SNX27: variants seen among roughly 807,000 people sequenced by gnomAD.
The protein encoded by SNX27 is sorting nexin 27, also known as sorting nexin-27.
SNX27 carries 22 observed loss-of-function variants against 71.6 expected under a neutral mutation model. The ratio of observed to expected loss-of-function variants is 0.31; its 90% CI spans 0.22 to 0.44. SNX27 has a LOEUF of 0.44. Ranked by LOEUF, SNX27 falls within the 20% of genes least tolerant of loss-of-function variation. SNX27 has a pLI of 1.00. For synonymous variants in SNX27, 269 were observed against 277.2 expected, an observed-to-expected ratio of 0.97 and a Z score of 0.29; for missense variants, 531 against 698.6, an observed-to-expected ratio of 0.76 and a Z score of 2.70.
intron 7 of SNX27, among the ~76,000 whole-genome samples, chr1:151,681,624 C>G (rs1237921810): frequency 6.6e-6 from 1 of 152,136 alleles, no homozygotes; most frequent in East Asian, 1.9e-4. Context: ...ACCTTGAGTA[C>G]CAAACATCAT....
chr1:151,624,471 G>T (rs59397509), intron 1 of SNX27, among the ~76,000 whole-genome samples: 1 of 129,790 alleles, frequency 7.7e-6, no homozygotes, highest in South Asian at 2.4e-4. Context: ...TTGCTCTGTC[G>T]CCCAGGCTGG....
intron 6 of SNX27, 57 bp from the exon 7 acceptor site, chr1:151,668,415 T>G: frequency 6.6e-7 from 1 of 1,508,502 alleles, no homozygotes; most frequent in Non-Finnish European, 9.0e-7. Context: ...TAGTTTATAC[T>G]AGGGAAGTTT....
At chr1:151,693,939 CTGGAACAGAATT>C in intron 11 of SNX27, 1 of 1,305,868 alleles carries the variant, frequency 7.7e-7, no homozygotes, top group Non-Finnish European at 9.7e-7. Context: ...TGTGCCAGTG[CTGGAACAGAATT>C]TGGAAGATTC....
At chr1:151,640,233 A>G (rs1457019050) in intron 2 of SNX27, among the ~76,000 whole-genome samples, 2 of 152,224 alleles carry the variant, frequency 1.3e-5, no homozygotes, top group Non-Finnish European at 2.9e-5. Flanking sequence ...ACTTTGAGTC[A>G]TAAGGCATGT....
chr1:151,661,178 T>C, intron 4 of SNX27: 1 of 247,234 alleles, frequency 4.0e-6, no homozygotes, highest in Non-Finnish European at 8.0e-6. Context: ...TTTTTGTACA[T>C]ATAATCAGAT....
chr1:151,683,124 C>T (rs1202923626), intron 7 of SNX27, among the ~76,000 whole-genome samples: 1 of 152,114 alleles, frequency 6.6e-6, no homozygotes, highest in Non-Finnish European at 1.5e-5. Flanking sequence ...GATCCAGTCA[C>T]CTCCCACCGG....
At chr1:151,672,730 T>C (rs12090837) in intron 7 of SNX27, among the ~76,000 whole-genome samples, 3,493 of 152,224 alleles carry the variant, frequency 0.023, 136 homozygotes, top group African/African-American at 0.078. Flanking sequence ...AGGTTGTATA[T>C]GTCTAGGAAT....
chr1:151,662,295 T>C, intron 5 of SNX27, 25 bp downstream of exon 5: 1 of 1,455,840 alleles, frequency 6.9e-7, no homozygotes, highest in Non-Finnish European at 9.6e-7. Flanking sequence ...CACGTAGACT[T>C]GACATTGGAT....
intron 1 of SNX27, among the ~76,000 whole-genome samples, chr1:151,626,656 C>T (rs1004862372): frequency 2.0e-5 from 3 of 151,740 alleles, no homozygotes; most frequent in Non-Finnish European, 2.9e-5. Flanking sequence ...GAGCCAAGAT[C>T]GTGCCACTGC....
chr1:151,674,933 A>G (rs1421017443), intron 7 of SNX27, among the ~76,000 whole-genome samples: 1 of 149,236 alleles, frequency 6.7e-6, no homozygotes, highest in East Asian at 2.0e-4. Flanking sequence ...TGATCTGCCC[A>G]CCTCGGCCTC....
chr1:151,612,645 G>A lies in SNX27; in HGVS notation c.311+133G>A, dbSNP rs1442469237. 2 of 678,448 alleles carry A rather than the reference G, an allele frequency of 2.9e-6. No individual in the cohort carries two copies. The highest frequency in any genetic ancestry group is 3.4e-5 in the East Asian group (1 of 29,126). 42.0% of individuals were successfully genotyped at this position (678,448 alleles called of 1,614,324 possible). On this transcript the variant is annotated intron_variant, in intron 1 of 11. Coordinates refer to ENST00000458013, the MANE Select transcript of SNX27 (RefSeq NM_001330723.2). The surrounding 1 kb of genome is among the most constrained non-coding windows in gnomAD (Gnocchi z 5.2). ...CGGCCTCCGGACCCCCGCCCCTCAG[G>A]CCTCCGCAGCCGGGCCCCTCCTTGT... is the stretch of plus-strand genomic sequence containing the variant.
rs45491998 is a variant in SNX27 at position 151,693,090 on chromosome 1, T to C, written c.1518+51T>C. ...TGGGACTTAGTTTGTTTTTTTGTTT[T>C]TTTTTTCAGCTAAATGCATAAATGG... is the stretch of plus-strand genomic sequence containing the variant. On this transcript the variant is annotated intron_variant, in intron 10 of 11. Coordinates refer to ENST00000458013, the MANE Select transcript of SNX27 (RefSeq NM_001330723.2). 4.4e-3 allele frequency: 7,088 copies of C among 1,594,246 alleles called. 20 individuals are homozygous for C. The highest frequency in any genetic ancestry group is 5.5e-3 in the Non-Finnish European group (6,457 of 1,172,798).
In SNX27 at chr1:151,664,338, G is replaced by A. The variant is rs115682169; in HGVS notation, c.907-1595G>A. Among the ~76,000 whole-genome samples, 846 of 151,408 alleles carry A rather than the reference G, an allele frequency of 5.6e-3. 7 individuals carry two copies. The highest frequency in any genetic ancestry group is 0.02 in the African/African-American group (811 of 41,288). The stretch of plus-strand genomic sequence containing the variant: ...TTGATGCTCAGATTGTTCCATCTTT[G>A]GCCAATGAATGCTCCTTCATGTCTG... On this transcript the variant is annotated intron_variant, in intron 5 of 11. Transcript: ENST00000458013.
At position 151,666,136 on chromosome 1, in the gene SNX27, C is replaced by G. The variant is rs1670178997; in HGVS notation, c.985+125C>G. 6 of 580,802 alleles carry G rather than the reference C, an allele frequency of 1.0e-5. No individual in the cohort carries two copies. In the South Asian group the frequency reaches 1.8e-4, roughly 18 times the overall value. 36.0% of individuals were successfully genotyped at this position (580,802 alleles called of 1,614,324 possible). A position where few individuals can be genotyped will look rare whatever the true frequency, so the allele number is the denominator to read the frequency against. ...TTAGAACTGTCTCTAACAATCAGAC[C>G]AAGCATATCCCATTAAACTCAGGTC... On this transcript the variant is annotated intron_variant, in intron 6 of 11. Transcript: ENST00000458013.
At position 151,632,826 on chromosome 1, in the gene SNX27, A is replaced by G. The variant is rs529365264; in HGVS notation, c.312-6062A>G. Among the ~76,000 whole-genome samples the G allele has an allele frequency of 1.2e-3, 185 of 152,132 alleles. 1 individual carries two copies. In the South Asian group the frequency reaches 0.013, roughly 11 times the overall value. ...TGGTGGACTCCTATTTCACACTTAC[A>G]GATGTGGATATTATATAATAATTTT... On this transcript the variant is annotated intron_variant, in intron 1 of 11. Transcript: ENST00000458013.
In SNX27 at chr1:151,697,981, C is replaced by G. The variant is rs1323731393; in HGVS notation, c.*3564C>G. The G allele has an allele frequency of 6.6e-6, 1 of 152,208 alleles. No homozygotes were observed. The allele number at this position is 152,208 out of a possible 1,614,324, so 9.4% of individuals were successfully genotyped here. ...GTCCCTGCAGAAAGGTTCCCTTGGGCCATGCTTTGGGCCCTCTGCTCTTTA... is the reference window on the plus strand; with the variant it reads ...GTCCCTGCAGAAAGGTTCCCTTGGGGCATGCTTTGGGCCCTCTGCTCTTTA... On this transcript the variant is annotated 3_prime_UTR_variant, in exon 12 of 12. Coordinates refer to ENST00000458013, the MANE Select transcript of SNX27 (RefSeq NM_001330723.2).
rs1667238985 is a variant in SNX27, at chr1:151,612,723, C to T, written c.311+211C>T. ...GGCTTCTGCGACGCCGGTCTCCCAC[C>T]CCGTCGTCTCCAGCTGATGCCCTTG... On this transcript the variant is annotated intron_variant, in intron 1 of 11. Coordinates refer to ENST00000458013, the MANE Select transcript of SNX27 (RefSeq NM_001330723.2). This position sits in a 1 kb window ranked among gnomAD's most constrained non-coding sequence, Gnocchi z 5.2. Among the ~76,000 whole-genome samples, 1 of 152,150 alleles carries T rather than the reference C, an allele frequency of 6.6e-6. No individual in the cohort carries two copies. The highest frequency in any genetic ancestry group is 1.5e-5 in the Non-Finnish European group (1 of 68,014).
At chr1:151,667,370 C>G (rs1670238285) in intron 6 of SNX27, 1 of 151,658 alleles carries the variant, frequency 6.6e-6, no homozygotes, top group South Asian at 2.1e-4. Context: ...GAGGAAGTAA[C>G]ATTACTCAGA....
intron 1 of SNX27, among the ~76,000 whole-genome samples, chr1:151,627,379 T>C (rs114020957): frequency 1.7e-4 from 26 of 152,362 alleles, no homozygotes; most frequent in Non-Finnish European, 2.2e-4. Flanking sequence ...ACAGTACTTA[T>C]TGGTAGTCCC....
Sources: allele counts gnomAD v4.1 joint callset (sites outside exome capture counted in the v4.1 genomes callset), GRCh38; gene constraint gnomAD v4.1.1; non-coding constraint Gnocchi (gnomAD v3.1); transcripts MANE v1.5; gene names NCBI Gene and HGNC (gene_info 2026-07-23, HGNC 2026-07-21).